The following PCDHA8 variants were observed in gnomAD, a reference collection of about 807,000 sequenced individuals.
PCDHA8 encodes protocadherin alpha 8.
PCDHA8 carries 53 observed loss-of-function variants against 61.8 expected under a neutral mutation model. The observed-to-expected ratio is 0.86, with a 90% confidence interval of 0.69 to 1.08. PCDHA8 has a LOEUF of 1.08. Among genes scored for constraint, PCDHA8 ranks in the 50% least tolerant of loss-of-function variants. The pLI, the probability that PCDHA8 is intolerant of heterozygous loss-of-function variation, is 0.00. For missense variants in PCDHA8, 1,293 were observed against 1,245.0 expected, an observed-to-expected ratio of 1.04 and a Z score of -0.58; for synonymous variants, 618 against 556.6, an observed-to-expected ratio of 1.11 and a Z score of -1.55.
intron 1 of PCDHA8, among the ~76,000 whole-genome samples, chr5:140,915,255 A>G (rs2077044659): frequency 6.6e-6 from 1 of 152,018 alleles, no homozygotes; most frequent in African/African-American, 2.4e-5. Flanking sequence ...CCAGGTTGTT[A>G]TTATTTTTGA....
chr5:140,984,878 C>G (rs2097124872), intron 3 of PCDHA8, among the ~76,000 whole-genome samples: 1 of 151,854 alleles, frequency 6.6e-6, no homozygotes, highest in African/African-American at 2.4e-5. Flanking sequence ...ATTGAGTTAC[C>G]ATGAGAACTA....
At chr5:140,871,519 A>C in intron 1 of PCDHA8, 1 of 1,554,010 alleles carries the variant, frequency 6.4e-7, no homozygotes, top group Non-Finnish European at 8.7e-7. Context: ...GATTCCACCT[A>C]TCAGGAAGTG....
intron 3 of PCDHA8, among the ~76,000 whole-genome samples, chr5:141,004,166 A>C (rs2098156060): frequency 6.6e-6 from 1 of 152,278 alleles, no homozygotes; most frequent in Non-Finnish European, 1.5e-5. Context: ...AGGCAAAGCC[A>C]GCCAAGTGTC....
intron 1 of PCDHA8, chr5:140,863,305 T>C: frequency 1.4e-6 from 2 of 1,463,102 alleles, no homozygotes; most frequent in Non-Finnish European, 1.9e-6. Context: ...CATCGCCATC[T>C]GCGTGGTGTC....
intron 1 of PCDHA8, chr5:140,883,440 C>T (rs781949896): frequency 1.9e-6 from 3 of 1,614,152 alleles, no homozygotes; most frequent in Non-Finnish European, 2.5e-6. Flanking sequence ...ACCTTGACGC[C>T]GCATGTCCCC....
chr5:140,884,395 C>A, intron 1 of PCDHA8: 1 of 1,614,000 alleles, frequency 6.2e-7, no homozygotes, highest in Non-Finnish European at 8.5e-7. Flanking sequence ...CGGTGTCCAG[C>A]CTGTTGGTGC....
chr5:140,869,029 A>T, intron 1 of PCDHA8: 4 of 1,526,468 alleles, frequency 2.6e-6, no homozygotes, highest in South Asian at 2.7e-5. Flanking sequence ...ATTCAACGAG[A>T]TTTTTAACCT....
chr5:141,006,750 G>A (rs1233243147), intron 3 of PCDHA8, among the ~76,000 whole-genome samples: 1 of 152,122 alleles, frequency 6.6e-6, no homozygotes, highest in African/African-American at 2.4e-5. Flanking sequence ...TATTATAAAT[G>A]GAGAATGAAG....
rs115129184 is a variant in PCDHA8, at chr5:140,964,722, A to G, written c.2395-14227A>G. 3.1e-3 allele frequency among the ~76,000 whole-genome samples: 468 copies of G among 152,140 alleles called. 3 individuals are homozygous for G. The highest frequency in any genetic ancestry group is 5.1e-3 in the Non-Finnish European group (346 of 67,996). On this transcript the variant is annotated intron_variant, in intron 1 of 3. Transcript: ENST00000531613. ...AAGGCCTCCGAGATCAAATTACCAC[A>G]GCAAACTGAGACAGAATTATTGTAG...
chr5:140,990,172 TGA>T (rs1341832599), intron 3 of PCDHA8, among the ~76,000 whole-genome samples: 1 of 152,022 alleles, frequency 6.6e-6, no homozygotes, highest in Non-Finnish European at 1.5e-5. Context: ...TATGAAAAGG[TGA>T]CTTTTAAGAA....
intron 1 of PCDHA8, chr5:140,871,118 G>C (rs1554165149): frequency 6.2e-7 from 1 of 1,613,306 alleles, no homozygotes; most frequent in East Asian, 2.2e-5. Flanking sequence ...GTGGAGAGCG[G>C]ACAGGCGCCA....
At chr5:140,988,672 G>A (rs1269904309) in intron 3 of PCDHA8, among the ~76,000 whole-genome samples, 1 of 152,180 alleles carries the variant, frequency 6.6e-6, no homozygotes, top group Non-Finnish European at 1.5e-5. Context: ...TAGACTCTAA[G>A]ATAATTCTTT....
intron 1 of PCDHA8, chr5:140,857,535 G>A (rs1413308998): frequency 1.9e-6 from 3 of 1,597,418 alleles, no homozygotes; most frequent in Non-Finnish European, 2.6e-6. Flanking sequence ...CTGGTGGAGC[G>A]GCGGTTGGGC....
At position 140,876,392 on chromosome 5, in the gene PCDHA8, A is replaced by C. The variant is rs373053230; in HGVS notation, c.2394+32677A>C. ...ACAGGTGAAATTAGAATTTATGGTG[A>C]ACTGGATTTTGAAGAGAATAATGCC... On this transcript the variant is annotated intron_variant, in intron 1 of 3. Transcript: ENST00000531613. 1.2e-4 allele frequency: 194 copies of C among 1,613,822 alleles called. No individual in the cohort carries two copies. The highest frequency in any genetic ancestry group is 1.6e-4 in the Non-Finnish European group (184 of 1,179,914).
At chr5:140,867,971 C>A (rs1230179778) in intron 1 of PCDHA8, 2 of 152,032 alleles carry the variant, frequency 1.3e-5, no homozygotes, top group Non-Finnish European at 2.9e-5. Flanking sequence ...ATTCTTTCAA[C>A]AAGAAACAAA....
intron 1 of PCDHA8, among the ~76,000 whole-genome samples, chr5:140,889,687 T>C (rs1190333599): frequency 1.3e-5 from 2 of 152,198 alleles, no homozygotes; most frequent in African/African-American, 4.8e-5. Context: ...AACCTTTTAG[T>C]ATTATGGGCA....
chr5:140,950,015 T>C (rs2094440217), intron 1 of PCDHA8, among the ~76,000 whole-genome samples: 1 of 151,906 alleles, frequency 6.6e-6, no homozygotes, highest in Admixed American at 6.6e-5. Context: ...TGTACAACCT[T>C]CATAAAATAT....
intron 1 of PCDHA8, chr5:140,857,265 T>G: frequency 1.3e-6 from 2 of 1,598,672 alleles, no homozygotes; most frequent in Non-Finnish European, 1.7e-6. Flanking sequence ...TACTACTCAT[T>G]GGTGCTGGAC....
intron 1 of PCDHA8, among the ~76,000 whole-genome samples, chr5:140,924,244 C>T (rs1375839311): frequency 6.6e-6 from 1 of 152,152 alleles, no homozygotes; most frequent in East Asian, 1.9e-4. Flanking sequence ...TGTTTTGCAT[C>T]CTGGTGAGAT....
Sources: gnomAD v4.1 joint callset for allele counts (sites outside exome capture counted in the v4.1 genomes callset) on GRCh38, gnomAD v4.1.1 for gene constraint, MANE v1.5 for transcripts, NCBI Gene and HGNC (gene_info 2026-07-23, HGNC 2026-07-21) for gene names.